Variants in ADAMTSL1 observed in about 807,000 individuals in gnomAD.
ADAMTSL1 encodes ADAMTS like 1, also known as ADAMTS-like protein 1.
A neutral mutation model predicts 201.8 loss-of-function variants in ADAMTSL1; 126 were observed. The ratio of observed to expected loss-of-function variants is 0.62; its 90% confidence interval spans 0.54 to 0.72. The LOEUF (loss-of-function observed/expected upper bound fraction) is 0.72. ADAMTSL1 is among the 30% of genes least tolerant of loss of function. The pLI is 0.00. For missense variants in ADAMTSL1, 2,679 were observed against 2,277.8 expected, an observed-to-expected ratio of 1.18 and a Z score of -3.59; for synonymous variants, 1,121 against 903.4, an observed-to-expected ratio of 1.24 and a Z score of -4.32.
At chr9:18,156,814 C>G (rs1487678966) in intron 1 of ADAMTSL1, among the ~76,000 whole-genome samples, 1 of 152,024 alleles carries the variant, frequency 6.6e-6, no homozygotes, top group Admixed American at 6.6e-5. Flanking sequence ...TAGCTGTTAT[C>G]AGCAATGCTT....
intron 1 of ADAMTSL1, among the ~76,000 whole-genome samples, chr9:18,088,516 C>T (rs1306753650): frequency 1.3e-5 from 2 of 152,138 alleles, no homozygotes; most frequent in Non-Finnish European, 2.9e-5. Flanking sequence ...GAGTTAAACG[C>T]CTACAACTCA....
rs751777831 is a variant in ADAMTSL1, at chr9:18,777,116, G to C, written c.2887G>C (p.Gly963Arg). 4 of 1,612,958 alleles carry C rather than the reference G, an allele frequency of 2.5e-6. No homozygotes were observed. The African/African-American group carries it at 5.3e-5, about 22-fold the overall frequency. ...REHFVIKLIG[G>R]NRKLVARPLS... ...GCACTTTGTGATTAAGCTCATCGGA[G>C]GCAACCGCAAGCTCGTGGCCCGGCC... Residue 963 changes from glycine to arginine, a missense_variant, in exon 19 of 29, where the codon GGC becomes CGC. Physicochemically the swap from Gly to Arg is moderately radical, Grantham distance 125. Coordinates refer to ENST00000380548, the MANE Select transcript of ADAMTSL1 (RefSeq NM_001040272.6).
At chr9:18,535,947 G>A (rs576572490) in intron 3 of ADAMTSL1, among the ~76,000 whole-genome samples, 1 of 152,172 alleles carries the variant, frequency 6.6e-6, no homozygotes, top group Admixed American at 6.5e-5. Flanking sequence ...TGGGGACACA[G>A]CCAAATCATA....
Position 18,474,189 on chromosome 9 carries a change from C to T in ADAMTSL1, c.-44C>T. The T allele has an allele frequency of 6.3e-7, 1 of 1,597,854 alleles. No homozygotes were observed. The highest frequency in any genetic ancestry group is 8.6e-7 in the Non-Finnish European group (1 of 1,165,836). ...TGACAGCAGGCAGAGGAGCACTTAG[C>T]AGCTTATTCAGTGTCCGATTCTGAT... On this transcript the variant is annotated 5_prime_UTR_variant, in exon 1 of 29. Coordinates refer to ENST00000380548, the MANE Select transcript of ADAMTSL1 (RefSeq NM_001040272.6).
chr9:17,982,560 C>T (rs967059017), intron 1 of ADAMTSL1, among the ~76,000 whole-genome samples: 9 of 151,876 alleles, frequency 5.9e-5, no homozygotes, highest in Admixed American at 3.3e-4. Context: ...TGCAGTAAGC[C>T]GAGATCGTGC....
chr9:18,392,961 G>C (rs1838112937), intron 2 of ADAMTSL1, among the ~76,000 whole-genome samples: 1 of 152,030 alleles, frequency 6.6e-6, no homozygotes, highest in African/African-American at 2.4e-5. Context: ...CTTTGCATTT[G>C]ACTACTAAAT....
chr9:18,155,445 C>T (rs923449099), intron 1 of ADAMTSL1, among the ~76,000 whole-genome samples: 8 of 152,064 alleles, frequency 5.3e-5, no homozygotes, highest in African/African-American at 1.9e-4. Flanking sequence ...TACTTCAAAA[C>T]ACTGTGGAGC....
chr9:18,721,485 C>A (rs1428709906), intron 14 of ADAMTSL1, 51 bp from the exon 15 acceptor site: 7 of 1,593,258 alleles, frequency 4.4e-6, no homozygotes, highest in East Asian at 4.5e-5. Context: ...CATCACCCCC[C>A]ACACACACAC....
intron 1 of ADAMTSL1, among the ~76,000 whole-genome samples, chr9:18,145,250 A>G (rs1213056811): frequency 6.6e-6 from 1 of 152,118 alleles, no homozygotes; most frequent in East Asian, 1.9e-4. Context: ...CTTAAGCAAT[A>G]CCCCATAGGT....
chr9:18,085,721 A>C (rs1346139315), intron 1 of ADAMTSL1, among the ~76,000 whole-genome samples: 2 of 151,088 alleles, frequency 1.3e-5, no homozygotes, highest in Non-Finnish European at 2.9e-5. Flanking sequence ...GTGTGTGTAT[A>C]TATATAGCAG....
At chr9:18,488,362 G>A (rs746564641) in intron 1 of ADAMTSL1, among the ~76,000 whole-genome samples, 20 of 152,184 alleles carry the variant, frequency 1.3e-4, no homozygotes, top group Admixed American at 2.6e-4. Flanking sequence ...CGTTTGGTCA[G>A]TAGCCAAATC....
At chr9:18,895,870 G>T (rs1278999794) in intron 26 of ADAMTSL1, among the ~76,000 whole-genome samples, 1 of 152,128 alleles carries the variant, frequency 6.6e-6, no homozygotes. Context: ...TTTTAAGGAA[G>T]AAAATAAACA....
At chr9:18,681,700 G>GGAGGT in intron 11 of ADAMTSL1, 112 bp from the exon 12 acceptor site, 1 of 673,508 alleles carries the variant, frequency 1.5e-6, no homozygotes, top group South Asian at 3.4e-5. Context: ...CCTCGTGTGG[G>GGAGGT]GGGGGGGGGC....
In ADAMTSL1 at chr9:18,156,462, T is replaced by C. The variant is rs1013827903; in HGVS notation, c.88-7400T>C. Among the ~76,000 whole-genome samples, 3 of 152,068 alleles carry C rather than the reference T, an allele frequency of 2.0e-5. No homozygotes were observed. In the South Asian group the frequency reaches 6.2e-4, roughly 31 times the overall value. On this transcript the variant is annotated intron_variant, in intron 1 of 29. Coordinates refer to the ADAMTSL1 transcript ENST00000680146. ...GACCAATATAAACATTTGCCAAGTG[T>C]ACAATCCAAAAAGGTTGATTTCTAC...
intron 2 of ADAMTSL1, among the ~76,000 whole-genome samples, chr9:18,183,640 G>T (rs1210936644): frequency 6.6e-6 from 1 of 152,110 alleles, no homozygotes; most frequent in African/African-American, 2.4e-5. Flanking sequence ...ATGTCACTAG[G>T]GGGATGCAAA....
At chr9:18,620,049 GT>G (rs1587721851) in intron 4 of ADAMTSL1, among the ~76,000 whole-genome samples, 1 of 123,640 alleles carries the variant, frequency 8.1e-6, no homozygotes, top group African/African-American at 3.1e-5. Flanking sequence ...GGCCAACTTG[GT>G]TTTTTGCTTC....
At chr9:18,344,517 C>A (rs1463034002) in intron 2 of ADAMTSL1, among the ~76,000 whole-genome samples, 1 of 151,938 alleles carries the variant, frequency 6.6e-6, no homozygotes, top group Non-Finnish European at 1.5e-5. Flanking sequence ...AATTTGGAAA[C>A]CTTTAAGTGC....
intron 2 of ADAMTSL1, among the ~76,000 whole-genome samples, chr9:18,365,455 G>A (rs1170185502): frequency 6.6e-6 from 1 of 152,176 alleles, no homozygotes; most frequent in Non-Finnish European, 1.5e-5. Context: ...ATACCTCAGA[G>A]TAGAGAGGAC....
At chr9:18,239,569 T>A (rs940292011) in intron 2 of ADAMTSL1, among the ~76,000 whole-genome samples, 3 of 151,890 alleles carry the variant, frequency 2.0e-5, no homozygotes, top group Non-Finnish European at 4.4e-5. Flanking sequence ...TGAAATCTGG[T>A]CTCTACTGAA....
Sources: gnomAD v4.1 joint callset for allele counts (sites outside exome capture counted in the v4.1 genomes callset) on GRCh38, gnomAD v4.1.1 for gene constraint, MANE v1.5 for transcripts, NCBI Gene and HGNC (gene_info 2026-07-23, HGNC 2026-07-21) for gene names.